AP2B1: variants seen among roughly 807,000 people sequenced by gnomAD.
AP2B1 encodes adaptor related protein complex 2 subunit beta 1.
A neutral mutation model predicts 102.0 loss-of-function variants in AP2B1; 23 were observed. The ratio of observed to expected loss-of-function variants is 0.23; its 90% CI spans 0.16 to 0.32. The LOEUF is 0.32. Among genes scored for constraint, AP2B1 ranks in the 10% least tolerant of loss-of-function variants. The pLI is 1.00. For missense variants in AP2B1, 541 were observed against 1,157.4 expected, an observed-to-expected ratio of 0.47 and a Z score of 7.73; for synonymous variants, 381 against 421.2, an observed-to-expected ratio of 0.90 and a Z score of 1.17.
intron 21 of AP2B1, among the ~76,000 whole-genome samples, chr17:35,722,663 A>C (rs2085435687): frequency 6.6e-6 from 1 of 152,198 alleles, no homozygotes; most frequent in Non-Finnish European, 1.5e-5. Flanking sequence ...GAGGTAAAAT[A>C]GTCTAAAATC....
chr17:35,635,028 T>C (rs553330905), intron 9 of AP2B1, among the ~76,000 whole-genome samples: 1 of 152,140 alleles, frequency 6.6e-6, no homozygotes, highest in South Asian at 2.1e-4. Context: ...ACTCTACTTC[T>C]CTGCCATACT....
chr17:35,649,130 CT>C (rs1263950459), intron 12 of AP2B1, among the ~76,000 whole-genome samples: 1 of 152,022 alleles, frequency 6.6e-6, no homozygotes, highest in Non-Finnish European at 1.5e-5. Context: ...ATTGTTACCT[CT>C]TTATTTCCAG....
intron 4 of AP2B1, 139 bp from the exon 5 acceptor site, chr17:35,608,003 G>C: frequency 1.0e-6 from 1 of 991,672 alleles, no homozygotes; most frequent in Non-Finnish European, 1.5e-6. Context: ...GAAAGGAATA[G>C]CATGGAAGAT....
rs143340415 is a variant in AP2B1 at position 35,618,926 on chromosome 17, A to C, written c.526-5471A>C. On this transcript the variant is annotated intron_variant, in intron 5 of 21. Transcript: ENST00000610402. ...CTCTGAAATGTATAAAGTAGAATAC[A>C]TTTTTCTCCTTGTATATAAATCTAC... Among the ~76,000 whole-genome samples, 693 of 152,288 alleles carry C rather than the reference A, an allele frequency of 4.6e-3. 4 individuals carry two copies. The highest frequency in any genetic ancestry group is 0.024 in the Middle Eastern group (7 of 294).
chr17:35,700,150 G>A (rs1056430696), intron 18 of AP2B1, among the ~76,000 whole-genome samples: 6 of 151,712 alleles, frequency 4.0e-5, no homozygotes, highest in South Asian at 2.1e-4. Context: ...ACCTTTTGGC[G>A]TTGATTAGAA....
chr17:35,712,411 G>A lies in AP2B1; in HGVS notation c.2626+2091G>A, dbSNP rs74819040. 7.9e-3 allele frequency among the ~76,000 whole-genome samples: 1,205 copies of A among 152,198 alleles called. 82 individuals carry two copies. In the East Asian group the frequency reaches 0.18, roughly 23 times the overall value. On this transcript the variant is annotated intron_variant, in intron 20 of 21. Coordinates refer to ENST00000610402, the MANE Select transcript of AP2B1 (RefSeq NM_001030006.2). ...TGGGAGGCCGAGGTGGGCAGATCACGAGGTCAGGAGATCGAGACCATCCTG... is the reference window on the plus strand; with the variant it reads ...TGGGAGGCCGAGGTGGGCAGATCACAAGGTCAGGAGATCGAGACCATCCTG...
At chr17:35,718,069 A>G (rs1397491767) in intron 21 of AP2B1, among the ~76,000 whole-genome samples, 4 of 152,156 alleles carry the variant, frequency 2.6e-5, no homozygotes, top group Non-Finnish European at 5.9e-5. Flanking sequence ...TGGGAGAAAT[A>G]TCTTATTCCT....
At chr17:35,699,242 G>T (rs1395798793) in intron 18 of AP2B1, among the ~76,000 whole-genome samples, 1 of 152,152 alleles carries the variant, frequency 6.6e-6, no homozygotes, top group Non-Finnish European at 1.5e-5. Context: ...AGATCATCTG[G>T]AGGGCTCTGT....
At chr17:35,671,702 T>C in intron 15 of AP2B1, 52 bp from the exon 16 acceptor site, 1 of 1,573,812 alleles carries the variant, frequency 6.4e-7, no homozygotes, top group Non-Finnish European at 8.7e-7. Context: ...TTTTAAGGAC[T>C]GTTAATCTGT....
At chr17:35,660,354 G>C (rs1196062664) in intron 14 of AP2B1, among the ~76,000 whole-genome samples, 3 of 152,234 alleles carry the variant, frequency 2.0e-5, no homozygotes, top group Admixed American at 6.5e-5. Flanking sequence ...CACTGAAGCT[G>C]CTGGTCCATG....
chr17:35,724,679 G>C lies in AP2B1; in HGVS notation c.*980G>C, dbSNP rs1200328924. On this transcript the variant is annotated 3_prime_UTR_variant, in exon 22 of 22. Transcript: ENST00000610402. ...AAGGAGAAAGATAAAAGGCACAAAGGTTACCGCCAAGGCCCGTCAGCTGTG... is the reference window on the plus strand; with the variant it reads ...AAGGAGAAAGATAAAAGGCACAAAGCTTACCGCCAAGGCCCGTCAGCTGTG... 1 of 152,130 alleles carries C rather than the reference G, an allele frequency of 6.6e-6. No homozygotes were observed. The highest frequency in any genetic ancestry group is 1.5e-5 in the Non-Finnish European group (1 of 68,018). 9.4% of individuals were successfully genotyped at this position (152,130 alleles called of 1,614,324 possible). A position where few individuals can be genotyped will look rare whatever the true frequency, so the allele number is the denominator to read the frequency against.
chr17:35,667,026 TACA>T (rs1369485019), intron 14 of AP2B1, among the ~76,000 whole-genome samples: 1 of 152,228 alleles, frequency 6.6e-6, no homozygotes, highest in African/African-American at 2.4e-5. Context: ...CAGGCTGATA[TACA>T]ACAACTTTCT....
chr17:35,722,754 T>C (rs907188003), intron 21 of AP2B1, among the ~76,000 whole-genome samples: 66 of 152,312 alleles, frequency 4.3e-4, no homozygotes, highest in Admixed American at 2.5e-3. Context: ...ATATAAAATA[T>C]ATAGCTATTA....
chr17:35,691,490 G>A (rs2076040660), intron 18 of AP2B1, among the ~76,000 whole-genome samples: 1 of 152,162 alleles, frequency 6.6e-6, no homozygotes, highest in African/African-American at 2.4e-5. Context: ...ATTTGCTGAC[G>A]TTTCTTGACT....
At chr17:35,680,677 A>G (rs897952101) in intron 17 of AP2B1, among the ~76,000 whole-genome samples, 7 of 130,150 alleles carry the variant, frequency 5.4e-5, no homozygotes, top group African/African-American at 2.0e-4. Context: ...TGCCCAGTCT[A>G]TGGTTTTGGT....
chr17:35,613,024 A>G (rs1438272385), intron 5 of AP2B1, among the ~76,000 whole-genome samples: 1 of 151,914 alleles, frequency 6.6e-6, no homozygotes, highest in African/African-American at 2.4e-5. Flanking sequence ...GATACAAAAA[A>G]AAAAGAAATA....
At chr17:35,644,572 A>C (rs1421034646) in intron 12 of AP2B1, among the ~76,000 whole-genome samples, 1 of 146,632 alleles carries the variant, frequency 6.8e-6, no homozygotes, top group Non-Finnish European at 1.5e-5. Flanking sequence ...TCCAGTAGAG[A>C]TGAGGGTTCA....
At chr17:35,605,883 A>G (rs774985502) in intron 4 of AP2B1, 43 bp downstream of exon 4, 3 of 1,592,144 alleles carry the variant, frequency 1.9e-6, no homozygotes, top group Admixed American at 1.8e-5. Context: ...TGAATTGCAA[A>G]TAAGTAACCT....
chr17:35,647,386 GC>G (rs774441406), intron 12 of AP2B1, among the ~76,000 whole-genome samples: 18 of 151,710 alleles, frequency 1.2e-4, no homozygotes, highest in African/African-American at 2.2e-4. Context: ...GTCCCTCAGT[GC>G]CCCCCCTCCC....
Sources: allele counts gnomAD v4.1 joint callset (sites outside exome capture counted in the v4.1 genomes callset), GRCh38; gene constraint gnomAD v4.1.1; transcripts MANE v1.5; gene names NCBI Gene and HGNC (gene_info 2026-07-23, HGNC 2026-07-21).